Variants in GUCY1A2 observed in about 807,000 individuals in gnomAD.
The protein encoded by GUCY1A2 is guanylate cyclase soluble subunit alpha-2.
Under a neutral mutation model 63.5 loss-of-function variants are expected in GUCY1A2, and 27 were observed. The observed-to-expected ratio is 0.43, with a 90% CI of 0.31 to 0.59. The LOEUF is 0.59. Ranked by LOEUF, GUCY1A2 falls within the 20% of genes least tolerant of loss-of-function variation. The probability of loss-of-function intolerance (pLI) is 0.11; values close to 1 mark genes in which losing one functional copy is unlikely to be tolerated. For missense variants in GUCY1A2, 768 were observed against 913.3 expected (o/e 0.84, Z 2.05); for synonymous variants, 364 against 343.5 (o/e 1.06, Z -0.66).
intron 4 of GUCY1A2, among the ~76,000 whole-genome samples, chr11:106,935,180 C>T (rs775101340): frequency 1.1e-4 from 16 of 152,102 alleles, no homozygotes; most frequent in Non-Finnish European, 2.2e-4. Flanking sequence ...GTTAGGTGAG[C>T]TCAATATTTC....
intron 1 of GUCY1A2, among the ~76,000 whole-genome samples, chr11:107,000,280 T>C (rs1861595947): frequency 6.6e-6 from 1 of 152,194 alleles, no homozygotes; most frequent in South Asian, 2.1e-4. Flanking sequence ...TTACTGATCT[T>C]TATGTCAGGT....
intron 4 of GUCY1A2, among the ~76,000 whole-genome samples, chr11:106,921,004 T>A (rs1424788940): frequency 6.6e-6 from 1 of 152,084 alleles, no homozygotes; most frequent in Non-Finnish European, 1.5e-5. Flanking sequence ...TCTTTTTATA[T>A]TTTATAATCA....
chr11:106,936,751 T>C, intron 4 of GUCY1A2: 1 of 1,132,546 alleles, frequency 8.8e-7, no homozygotes, highest in Non-Finnish European at 1.3e-6. Flanking sequence ...AGTGGTTCAT[T>C]GGTATTAAAT....
In GUCY1A2 at chr11:106,972,545, A is replaced by C. The variant is rs143113432; in HGVS notation, c.487+6074T>G. On this transcript the variant is annotated intron_variant, in intron 3 of 7. Coordinates refer to ENST00000526355, the MANE Select transcript of GUCY1A2 (RefSeq NM_000855.3). ...GCGAAACAATGCTTTAGAGACACAGAAACACAAATTTAAAATTAAGAAAAA... is the reference window on the plus strand; with the variant it reads ...GCGAAACAATGCTTTAGAGACACAGCAACACAAATTTAAAATTAAGAAAAA... Among the ~76,000 whole-genome samples the C allele has an allele frequency of 4.4e-3, 668 of 152,218 alleles. 3 individuals are homozygous for C. Among genetic ancestry groups the C allele is most frequent in the African/African-American group, 0.015 (615 of 41,548 alleles).
chr11:106,796,305 C>A (rs1189459529), intron 5 of GUCY1A2, among the ~76,000 whole-genome samples: 1 of 152,116 alleles, frequency 6.6e-6, no homozygotes, highest in Non-Finnish European at 1.5e-5. Context: ...AGCCCATTTA[C>A]ATTTAAGGTT....
chr11:106,694,660 T>C (rs926736090), intron 7 of GUCY1A2, among the ~76,000 whole-genome samples: 5 of 152,184 alleles, frequency 3.3e-5, no homozygotes, highest in African/African-American at 1.2e-4. Context: ...TTCATAATCA[T>C]GGGAATGCAT....
At chr11:107,006,639 A>T (rs975952713) in intron 1 of GUCY1A2, among the ~76,000 whole-genome samples, 1 of 152,238 alleles carries the variant, frequency 6.6e-6, no homozygotes, top group Non-Finnish European at 1.5e-5. Context: ...TAACTTGGTC[A>T]GACCACAAGT....
chr11:106,748,647 G>A (rs185077000), intron 6 of GUCY1A2, among the ~76,000 whole-genome samples: 10 of 152,280 alleles, frequency 6.6e-5, no homozygotes, highest in African/African-American at 2.4e-4. Context: ...CTTAAGAATT[G>A]AGTCTTTCTT....
At chr11:106,747,378 C>T (rs571280350) in intron 6 of GUCY1A2, among the ~76,000 whole-genome samples, 4 of 152,344 alleles carry the variant, frequency 2.6e-5, no homozygotes, top group Admixed American at 6.5e-5. Flanking sequence ...GTAGGCAACA[C>T]TTTGCGAAAG....
intron 5 of GUCY1A2, among the ~76,000 whole-genome samples, chr11:106,791,436 T>C (rs984945147): frequency 6.6e-6 from 1 of 152,084 alleles, no homozygotes; most frequent in Non-Finnish European, 1.5e-5. Flanking sequence ...TTAAATCAGA[T>C]ACTGTGAGTA....
intron 4 of GUCY1A2, among the ~76,000 whole-genome samples, chr11:106,891,778 GCCAATA>G (rs1184124907): frequency 6.6e-6 from 1 of 151,976 alleles, no homozygotes; most frequent in Non-Finnish European, 1.5e-5. Flanking sequence ...CAGTTATTAT[GCCAATA>G]CCATACTGTG....
At chr11:106,858,759 G>A (rs992541491) in intron 4 of GUCY1A2, among the ~76,000 whole-genome samples, 20 of 152,070 alleles carry the variant, frequency 1.3e-4, no homozygotes, top group South Asian at 6.2e-4. Context: ...AAGACAAGGA[G>A]AAAAATCACT....
intron 1 of GUCY1A2, among the ~76,000 whole-genome samples, chr11:106,998,637 G>A (rs1861571680): frequency 6.6e-6 from 1 of 151,988 alleles, no homozygotes; most frequent in Non-Finnish European, 1.5e-5. Context: ...CCAGTATGGG[G>A]CATGCATTAT....
intron 6 of GUCY1A2, among the ~76,000 whole-genome samples, chr11:106,712,528 T>TC (rs1299738864): frequency 6.9e-6 from 1 of 144,228 alleles, no homozygotes; most frequent in East Asian, 2.5e-4. Context: ...AGATTTTCTT[T>TC]ATGTCTAGTA....
chr11:106,865,285 T>C (rs1396296671), intron 4 of GUCY1A2, among the ~76,000 whole-genome samples: 1 of 152,110 alleles, frequency 6.6e-6, no homozygotes, highest in African/African-American at 2.4e-5. Flanking sequence ...TTCTCTCTTT[T>C]CTTCTTTATT....
intron 5 of GUCY1A2, among the ~76,000 whole-genome samples, chr11:106,805,195 G>A (rs1024408692): frequency 3.9e-5 from 6 of 151,966 alleles, no homozygotes; most frequent in African/African-American, 1.5e-4. Flanking sequence ...GCTGTGATGG[G>A]AATACTCCCC....
intron 2 of GUCY1A2, among the ~76,000 whole-genome samples, chr11:106,979,473 A>AAAGAAG (rs61536886): frequency 2.1e-4 from 31 of 150,202 alleles, no homozygotes; most frequent in African/African-American, 7.5e-4. Context: ...AAAAAAAAAA[A>AAAGAAG]AAGAAGAAGA....
intron 4 of GUCY1A2, among the ~76,000 whole-genome samples, chr11:106,818,946 G>A (rs1858866279): frequency 6.6e-6 from 1 of 152,154 alleles, no homozygotes; most frequent in South Asian, 2.1e-4. Context: ...AAAGCTTGAA[G>A]GTAGCAGAGG....
At chr11:106,886,465 C>T (rs1316539910) in intron 4 of GUCY1A2, among the ~76,000 whole-genome samples, 1 of 152,060 alleles carries the variant, frequency 6.6e-6, no homozygotes, top group African/African-American at 2.4e-5. Flanking sequence ...TATTTTGGGT[C>T]TTCAGTGACT....
Sources: allele counts gnomAD v4.1 joint callset (sites outside exome capture counted in the v4.1 genomes callset), GRCh38; gene constraint gnomAD v4.1.1; transcripts MANE v1.5; gene names NCBI Gene and HGNC (gene_info 2026-07-23, HGNC 2026-07-21).